Variants in DSE observed in about 807,000 individuals in gnomAD.
DSE encodes the protein dermatan sulfate epimerase, also known as dermatan-sulfate epimerase.
In DSE, 36 loss-of-function variants were observed where a neutral mutation model predicts 84.4. The observed-to-expected ratio is 0.43, with a 90% confidence interval of 0.33 to 0.56. The LOEUF (loss-of-function observed/expected upper bound fraction) is 0.56. Ranked by LOEUF, DSE falls within the 20% of genes least tolerant of loss-of-function variation. The pLI is 0.06. For synonymous variants in DSE, 410 were observed against 430.1 expected (o/e 0.95, Z 0.58); for missense variants, 862 against 1,169.6 (o/e 0.74, Z 3.84).
rs544368796 is a variant in DSE, at chr6:116,437,546, G to T, written c.*201G>T. On this transcript the variant is annotated 3_prime_UTR_variant, in exon 6 of 6. Coordinates refer to ENST00000644252, the MANE Select transcript of DSE (RefSeq NM_013352.4). ...ATTATCAAAGCAATAGAAATAGCTT[G>T]GTGGTCCTATGGTGTTTTTGGAAGT... 2 of 550,284 alleles carry T rather than the reference G, an allele frequency of 3.6e-6. No individual in the cohort carries two copies. Among genetic ancestry groups the T allele is most frequent in the Admixed American group, 7.3e-5 (2 of 27,560 alleles). The allele number at this position is 550,284 out of a possible 1,614,324, so 34.1% of individuals were successfully genotyped here.
intron 1 of DSE, among the ~76,000 whole-genome samples, chr6:116,381,960 T>C (rs1228154391): frequency 6.6e-6 from 1 of 152,058 alleles, no homozygotes; most frequent in East Asian, 1.9e-4. Flanking sequence ...AAGTTTCTGG[T>C]GGCTTCTACC....
At chr6:116,271,275 C>T (rs933138569) in intron 2 of DSE, among the ~76,000 whole-genome samples, 2 of 152,190 alleles carry the variant, frequency 1.3e-5, no homozygotes, top group Admixed American at 6.5e-5. Flanking sequence ...CTAGGCCTCA[C>T]CTTCAGAGTT....
At chr6:116,360,182 C>G (rs907795897) in intron 2 of DSE, among the ~76,000 whole-genome samples, 1 of 152,102 alleles carries the variant, frequency 6.6e-6, no homozygotes, top group South Asian at 2.1e-4. Flanking sequence ...ACAACACACA[C>G]TGGGGCCTGT....
In DSE at chr6:116,436,773, A is replaced by G; in HGVS notation, c.2305A>G (p.Ser769Gly). 1 of 1,614,170 alleles carries G rather than the reference A, an allele frequency of 6.2e-7. No individual in the cohort carries two copies. Among genetic ancestry groups the G allele is most frequent in the Non-Finnish European group, 8.5e-7 (1 of 1,180,008 alleles). ...ACTGTCCCGAGTCCGGAACACAGCT[A>G]GCTTTAGGAAGACTGCTGAACGCCT... ...QILSRVRNTA[S>G]FRKTAERLLR... is the part of the protein sequence containing the mutation. Residue 769 changes from serine to glycine, a missense_variant, in exon 6 of 6, where the codon AGC becomes GGC. This residue lies in a region of DSE where 315 missense variants were observed against 348.1 expected (regional missense o/e 0.90). Coordinates refer to ENST00000644252, the MANE Select transcript of DSE (RefSeq NM_013352.4).
chr6:116,371,698 G>C (rs1477741843), intron 1 of DSE, among the ~76,000 whole-genome samples: 4 of 152,204 alleles, frequency 2.6e-5, no homozygotes, highest in Admixed American at 2.6e-4. Flanking sequence ...GGGCTCCGCC[G>C]GCACTCGGAG....
At chr6:116,421,459 ATATATTTTTT>A (rs1783078880) in intron 2 of DSE, among the ~76,000 whole-genome samples, 1 of 76,446 alleles carries the variant, frequency 1.3e-5, no homozygotes, top group African/African-American at 7.5e-5. Context: ...ATATATATAT[ATATATTTTTT>A]TTTTTTTTTT....
intron 2 of DSE, among the ~76,000 whole-genome samples, chr6:116,297,215 C>G (rs902117929): frequency 6.6e-6 from 1 of 152,068 alleles, no homozygotes; most frequent in Non-Finnish European, 1.5e-5. Flanking sequence ...TAGCCAAAGT[C>G]AACCCTAGGA....
At chr6:116,377,520 T>C (rs545607326) in intron 1 of DSE, among the ~76,000 whole-genome samples, 1 of 152,346 alleles carries the variant, frequency 6.6e-6, no homozygotes, top group South Asian at 2.1e-4. Context: ...TGAATCCATA[T>C]ACATTGCTCA....
intron 1 of DSE, among the ~76,000 whole-genome samples, chr6:116,384,079 C>T (rs536074293): frequency 6.6e-6 from 1 of 152,168 alleles, no homozygotes. Context: ...GTCCTTATAC[C>T]AAACCATTAA....
intron 3 of DSE, among the ~76,000 whole-genome samples, chr6:116,429,319 C>T (rs928274837): frequency 1.3e-5 from 2 of 152,086 alleles, no homozygotes; most frequent in African/African-American, 4.8e-5. Context: ...TATTTAGGCC[C>T]AGAGCTGGTT....
intron 2 of DSE, among the ~76,000 whole-genome samples, chr6:116,424,294 T>A (rs1437422163): frequency 1.3e-5 from 2 of 152,200 alleles, no homozygotes; most frequent in Non-Finnish European, 2.9e-5. Flanking sequence ...TCATTCACAC[T>A]CTCATAGTCT....
intron 1 of DSE, among the ~76,000 whole-genome samples, chr6:116,385,469 T>G (rs1488927678): frequency 2.0e-5 from 3 of 149,680 alleles, no homozygotes; most frequent in Non-Finnish European, 3.0e-5. Context: ...GGATTTGGAG[T>G]AGAGCCAACA....
intron 2 of DSE, among the ~76,000 whole-genome samples, chr6:116,425,140 AATGTTGGTATTTC>A (rs1340811627): frequency 1.3e-5 from 2 of 152,230 alleles, no homozygotes; most frequent in Non-Finnish European, 2.9e-5. Flanking sequence ...CCTGCTATTA[AATGTTGGTATTTC>A]ATGCCTTAAT....
rs1778782864 is a variant in DSE, at chr6:116,359,712, T to C, written c.-53-39486T>C. Among the ~76,000 whole-genome samples, 3 of 152,310 alleles carry C rather than the reference T, an allele frequency of 2.0e-5. No individual in the cohort carries two copies. In the South Asian group the frequency reaches 6.2e-4, roughly 32 times the overall value. On this transcript the variant is annotated intron_variant, in intron 2 of 3. Transcript: ENST00000430252. The stretch of plus-strand genomic sequence containing the variant: ...ACAGTGTATAGGACAGGTAATATGG[T>C]TAAGTGGAAACAGATAGGCTTTGCA...
intron 2 of DSE, among the ~76,000 whole-genome samples, chr6:116,310,721 T>C (rs1316535087): frequency 6.6e-6 from 1 of 152,198 alleles, no homozygotes; most frequent in East Asian, 1.9e-4. Flanking sequence ...CACCATCAAA[T>C]CTCACCTGGT....
intron 2 of DSE, among the ~76,000 whole-genome samples, chr6:116,307,659 C>T (rs1032976521): frequency 6.6e-6 from 1 of 152,182 alleles, no homozygotes; most frequent in Admixed American, 6.5e-5. Flanking sequence ...TACTCCAACT[C>T]ATCTTTCATT....
At position 116,326,663 on chromosome 6, in the gene DSE, T is replaced by C. The variant is rs543518201; in HGVS notation, c.-54+67696T>C. Among the ~76,000 whole-genome samples, 102 of 152,306 alleles carry C rather than the reference T, an allele frequency of 6.7e-4. 1 individual carries two copies. Among genetic ancestry groups the C allele is most frequent in the Non-Finnish European group, 2.4e-4 (16 of 68,030 alleles). On this transcript the variant is annotated intron_variant, in intron 2 of 3. Coordinates refer to the DSE transcript ENST00000430252. ...AAAACTGTTAGGTTCTCTCTTCATC[T>C]GTCAAATGTAAGGATATTAGGCACT...
intron 2 of DSE, among the ~76,000 whole-genome samples, chr6:116,284,702 A>G (rs1773768000): frequency 8.8e-6 from 1 of 113,710 alleles, no homozygotes; most frequent in African/African-American, 3.5e-5. Context: ...CCGGTGTGTG[A>G]TGTTCCCCAC....
intron 2 of DSE, among the ~76,000 whole-genome samples, chr6:116,272,923 T>C (rs1330036466): frequency 2.0e-5 from 3 of 152,240 alleles, no homozygotes; most frequent in African/African-American, 7.2e-5. Flanking sequence ...ATAACTATAT[T>C]AATACTTGAA....
Sources: gnomAD v4.1 joint callset for allele counts (sites outside exome capture counted in the v4.1 genomes callset) on GRCh38, gnomAD v4.1.1 for gene constraint, gnomAD v4.1.1 regional missense constraint, MANE v1.5 for transcripts, NCBI Gene and HGNC (gene_info 2026-07-23, HGNC 2026-07-21) for gene names.